The following LRRTM3 variants were observed in gnomAD, a reference collection of about 807,000 sequenced individuals.
LRRTM3 encodes the protein leucine-rich repeat transmembrane neuronal protein 3.
A neutral mutation model predicts 44.7 loss-of-function variants in LRRTM3; 24 were observed. That is an observed-to-expected ratio of 0.54 (90% CI 0.39 to 0.76). The LOEUF is 0.76. Among genes scored for constraint, LRRTM3 ranks in the 30% least tolerant of loss-of-function variants. LRRTM3 has a pLI of 0.00. For missense variants in LRRTM3, 587 were observed against 702.2 expected, an observed-to-expected ratio of 0.84 and a Z score of 1.85; for synonymous variants, 277 against 278.7, an observed-to-expected ratio of 0.99 and a Z score of 0.06.
chr10:67,069,863 G>T (rs867692416), intron 2 of LRRTM3, among the ~76,000 whole-genome samples: 29 of 152,028 alleles, frequency 1.9e-4, no homozygotes, highest in Non-Finnish European at 1.2e-4. Context: ...TTACAAAAAG[G>T]GCTGTTTGAA....
intron 2 of LRRTM3, among the ~76,000 whole-genome samples, chr10:66,986,704 A>G (rs980234889): frequency 2.0e-5 from 3 of 152,170 alleles, no homozygotes; most frequent in Non-Finnish European, 4.4e-5. Context: ...CTCCATGGCT[A>G]TCAGGCTAAT....
chr10:66,969,297 CTT>C (rs926928735), intron 2 of LRRTM3, among the ~76,000 whole-genome samples: 4 of 151,998 alleles, frequency 2.6e-5, no homozygotes, highest in African/African-American at 9.7e-5. Context: ...ATTTTTATAA[CTT>C]ATCATTACAT....
At chr10:66,976,863 T>A (rs910666373) in intron 2 of LRRTM3, among the ~76,000 whole-genome samples, 1 of 152,186 alleles carries the variant, frequency 6.6e-6, no homozygotes, top group African/African-American at 2.4e-5. Flanking sequence ...TTTTTGCTCT[T>A]GTTTTTGTCT....
At chr10:67,005,682 C>CTTTTTTTTTTTTTTT (rs11369576) in intron 2 of LRRTM3, among the ~76,000 whole-genome samples, 5,968 of 61,682 alleles carry the variant, frequency 0.097, 1,953 homozygotes, top group Middle Eastern at 0.13. Flanking sequence ...TTTACTCCAT[C>CTTTTTTTTTTTTTTT]TTTTTTTTTT....
intron 2 of LRRTM3, among the ~76,000 whole-genome samples, chr10:67,091,864 T>C (rs1857665417): frequency 6.6e-6 from 1 of 152,034 alleles, no homozygotes; most frequent in Non-Finnish European, 1.5e-5. Context: ...AGGAACCAGT[T>C]TGTATTCAGA....
rs1256659029 is a variant in LRRTM3 at position 66,957,431 on chromosome 10, TATATATATATGCATATATATATATGC to T, written c.1536+28990_1536+29015del. On this transcript the variant is annotated intron_variant, in intron 2 of 2. Transcript: ENST00000361320. The stretch of plus-strand genomic sequence containing the variant: ...ATATATATGCATATATATATATGCA[TATATATATATGCATATATATATATGC>T]ATATATATATATGTTTGATCCTGAA... Among the ~76,000 whole-genome samples the T allele has an allele frequency of 3.0e-4, 36 of 118,564 alleles. 1 individual carries two copies. Among genetic ancestry groups the T allele is most frequent in the African/African-American group, 5.5e-4 (19 of 34,686 alleles). 77.8% of individuals were successfully genotyped at this position (118,564 alleles called of 152,430 possible).
intron 2 of LRRTM3, among the ~76,000 whole-genome samples, chr10:67,056,805 A>G (rs1017427993): frequency 1.3e-5 from 2 of 152,216 alleles, no homozygotes; most frequent in African/African-American, 4.8e-5. Context: ...AGGATGAAAC[A>G]AAAGACAAAG....
chr10:66,978,663 A>G (rs956538124), intron 2 of LRRTM3, among the ~76,000 whole-genome samples: 47 of 149,288 alleles, frequency 3.1e-4, no homozygotes, highest in African/African-American at 1.1e-3. Flanking sequence ...CAGAGCTGAA[A>G]GAAACTATAA....
At chr10:67,030,964 G>A (rs551952246) in intron 2 of LRRTM3, among the ~76,000 whole-genome samples, 3 of 152,074 alleles carry the variant, frequency 2.0e-5, no homozygotes, top group South Asian at 2.1e-4. Flanking sequence ...AGATTGCATC[G>A]CTGCACTCCA....
intron 2 of LRRTM3, among the ~76,000 whole-genome samples, chr10:67,052,986 A>G (rs558784925): frequency 6.6e-6 from 1 of 152,336 alleles, no homozygotes; most frequent in East Asian, 1.9e-4. Context: ...TACACTGACT[A>G]TGTGTTTCAG....
At chr10:67,023,947 G>T (rs1263672537) in intron 2 of LRRTM3, among the ~76,000 whole-genome samples, 1 of 152,086 alleles carries the variant, frequency 6.6e-6, no homozygotes, top group Non-Finnish European at 1.5e-5. Flanking sequence ...GGATTATTTT[G>T]GGTTATTACT....
Position 67,025,155 on chromosome 10 carries a change from AG to A in LRRTM3, c.1537-72430del, listed in dbSNP as rs1287142993. Among the ~76,000 whole-genome samples the A allele has an allele frequency of 5.8e-3, 870 of 149,978 alleles. 14 individuals are homozygous for A. The highest frequency in any genetic ancestry group is 0.021 in the African/African-American group (838 of 40,308). On this transcript the variant is annotated intron_variant, in intron 2 of 2. Transcript: ENST00000361320. ...AAAAACAAAAAAAAAAAAGAAAGAA[AG>A]GAAGGAAGGAAGGAAGGAAAGAAAG... is the stretch of plus-strand genomic sequence containing the variant.
At chr10:67,047,164 C>T (rs977971909) in intron 2 of LRRTM3, among the ~76,000 whole-genome samples, 6 of 152,134 alleles carry the variant, frequency 3.9e-5, no homozygotes, top group African/African-American at 1.4e-4. Flanking sequence ...ATCTCTAGTA[C>T]AATGCTTCAA....
At chr10:66,962,972 T>C (rs912473198) in intron 2 of LRRTM3, among the ~76,000 whole-genome samples, 3 of 142,144 alleles carry the variant, frequency 2.1e-5, no homozygotes, top group Non-Finnish European at 4.6e-5. Context: ...TAAGTAGTTG[T>C]TGACTGAATG....
chr10:66,974,064 A>G (rs1346425629), intron 2 of LRRTM3, among the ~76,000 whole-genome samples: 1 of 152,180 alleles, frequency 6.6e-6, no homozygotes, highest in African/African-American at 2.4e-5. Context: ...TCTATCACCA[A>G]AAAAGTTGCC....
chr10:66,928,550 TC>T, intron 2 of LRRTM3, 98 bp downstream of exon 2: 1 of 1,097,100 alleles, frequency 9.1e-7, no homozygotes, highest in South Asian at 1.7e-5. Flanking sequence ...ATGCCCCCCC[TC>T]CCCTTCCCTC....
chr10:67,046,469 G>T (rs750778841), intron 2 of LRRTM3, among the ~76,000 whole-genome samples: 36 of 152,168 alleles, frequency 2.4e-4, no homozygotes, highest in Non-Finnish European at 4.3e-4. Flanking sequence ...CAAGCTAATA[G>T]ACATTGCCAC....
intron 2 of LRRTM3, among the ~76,000 whole-genome samples, chr10:67,079,658 G>A (rs1436037187): frequency 6.6e-6 from 1 of 152,002 alleles, no homozygotes; most frequent in Non-Finnish European, 1.5e-5. Context: ...GACCAGCCTG[G>A]CCAATATAGT....
intron 2 of LRRTM3, among the ~76,000 whole-genome samples, chr10:66,977,305 T>C (rs1230013047): frequency 1.3e-5 from 2 of 151,860 alleles, no homozygotes; most frequent in African/African-American, 4.8e-5. Context: ...GTGTGGTGGC[T>C]GGTACCTGTA....
Sources: gnomAD v4.1 joint callset for allele counts (sites outside exome capture counted in the v4.1 genomes callset) on GRCh38, gnomAD v4.1.1 for gene constraint, MANE v1.5 for transcripts, NCBI Gene and HGNC (gene_info 2026-07-23, HGNC 2026-07-21) for gene names.